SLC12A6: variants seen among roughly 807,000 people sequenced by gnomAD.
SLC12A6 encodes solute carrier family 12 member 6.
In SLC12A6, 66 loss-of-function variants were observed where a neutral mutation model predicts 135.3. The observed-to-expected ratio is 0.49, with a 90% confidence interval of 0.40 to 0.60. The LOEUF is 0.60. Among genes scored for constraint, SLC12A6 ranks in the 20% least tolerant of loss-of-function variants. The pLI, the probability that SLC12A6 is intolerant of heterozygous loss-of-function variation, is 0.00. For missense variants in SLC12A6, 1,058 were observed against 1,452.3 expected, an observed-to-expected ratio of 0.73 and a Z score of 4.41; for synonymous variants, 513 against 508.8, an observed-to-expected ratio of 1.01 and a Z score of -0.11.
chr15:34,333,611 A>G (rs1890008490), intron 2 of SLC12A6, among the ~76,000 whole-genome samples: 1 of 152,180 alleles, frequency 6.6e-6, no homozygotes, highest in Non-Finnish European at 1.5e-5. Flanking sequence ...TTCTTCATAC[A>G]TAAGCTAATA....
intron 2 of SLC12A6, among the ~76,000 whole-genome samples, chr15:34,285,269 G>A (rs1186704642): frequency 6.6e-6 from 1 of 152,184 alleles, no homozygotes; most frequent in African/African-American, 2.4e-5. Flanking sequence ...GATCAGATCA[G>A]AAATACTAGA....
rs1890968084 is a variant in SLC12A6, at chr15:34,231,801, G to C, written c.*2080C>G. The C allele has an allele frequency of 6.6e-6, 1 of 152,196 alleles. No individual in the cohort carries two copies. Among genetic ancestry groups the C allele is most frequent in the South Asian group, 2.1e-4 (1 of 4,816 alleles). 9.4% of individuals were successfully genotyped at this position (152,196 alleles called of 1,614,324 possible). ...AGACAGGGTTTCACCGTGTTAGCCA[G>C]GATGGTCTCAAATCTCCTGACCTCG... On this transcript the variant is annotated 3_prime_UTR_variant, in exon 26 of 26. Coordinates refer to ENST00000354181, the MANE Select transcript of SLC12A6 (RefSeq NM_001365088.1).
intron 2 of SLC12A6, among the ~76,000 whole-genome samples, chr15:34,317,138 A>C (rs1888706923): frequency 6.6e-6 from 1 of 152,236 alleles, no homozygotes; most frequent in Non-Finnish European, 1.5e-5. Context: ...CTTGCTTTCC[A>C]CTTTCCATCA....
Position 34,231,495 on chromosome 15 carries a change from G to T in SLC12A6, c.*2386C>A, listed in dbSNP as rs1890928967. 1 of 151,896 alleles carries T rather than the reference G, an allele frequency of 6.6e-6. No homozygotes were observed. The highest frequency in any genetic ancestry group is 2.1e-4 in the South Asian group (1 of 4,816). The allele number at this position is 151,896 out of a possible 1,614,324, so 9.4% of individuals were successfully genotyped here. On this transcript the variant is annotated 3_prime_UTR_variant, in exon 26 of 26. Coordinates refer to ENST00000354181, the MANE Select transcript of SLC12A6 (RefSeq NM_001365088.1). ...ATCTGTAGGAAGTAACAGAAAAAAAGACTTAAGATCCTATCCGCTTTGCCA... is the reference window on the plus strand; with the variant it reads ...ATCTGTAGGAAGTAACAGAAAAAAATACTTAAGATCCTATCCGCTTTGCCA...
At position 34,233,002 on chromosome 15, in the gene SLC12A6, G is replaced by C. The variant is rs1290930021; in HGVS notation, c.*879C>G. ...GGGGGAGAAGAACCTGTTGATTAAT[G>C]TGCACCATGACCTGCATTTCTTAGA... On this transcript the variant is annotated 3_prime_UTR_variant, in exon 26 of 26. Transcript: ENST00000354181. The C allele has an allele frequency of 6.6e-6, 1 of 152,090 alleles. No individual in the cohort carries two copies. Among genetic ancestry groups the C allele is most frequent in the Non-Finnish European group, 1.5e-5 (1 of 68,044 alleles). 9.4% of individuals were successfully genotyped at this position (152,090 alleles called of 1,614,324 possible). A position where few individuals can be genotyped will look rare whatever the true frequency, so the allele number is the denominator to read the frequency against.
rs1418709294 is a variant in SLC12A6 at position 34,230,381 on chromosome 15, TA to T, written c.*3499del. 6.5e-6 allele frequency: 1 copy of T among 152,910 alleles called. No individual in the cohort carries two copies. Among genetic ancestry groups the T allele is most frequent in the Admixed American group, 6.5e-5 (1 of 15,296 alleles). 9.5% of individuals were successfully genotyped at this position (152,910 alleles called of 1,614,324 possible). A position where few individuals can be genotyped will look rare whatever the true frequency, so the allele number is the denominator to read the frequency against. ...GATAAGGGATTTTTGTTAGCATGTT[TA>T]GGGGGAACGAGGATTGGTGGGATCC... is the stretch of plus-strand genomic sequence containing the variant. On this transcript the variant is annotated 3_prime_UTR_variant, in exon 26 of 26. Coordinates refer to ENST00000354181, the MANE Select transcript of SLC12A6 (RefSeq NM_001365088.1).
At chr15:34,238,441 C>G in intron 20 of SLC12A6, 40 bp from the exon 21 acceptor site, 1 of 1,507,672 alleles carries the variant, frequency 6.6e-7, no homozygotes, top group South Asian at 1.1e-5. Flanking sequence ...AATCCTTAGG[C>G]TTGCCTTGCT....
At chr15:34,286,377 T>C (rs1895080952) in intron 2 of SLC12A6, among the ~76,000 whole-genome samples, 1 of 151,740 alleles carries the variant, frequency 6.6e-6, no homozygotes, top group Non-Finnish European at 1.5e-5. Flanking sequence ...TGCCTGGCCT[T>C]ATGCTATTTT....
Position 34,254,609 on chromosome 15 carries a change from G to A in SLC12A6, c.877-20C>T, listed in dbSNP as rs1005140981. 7.0e-6 allele frequency: 11 copies of A among 1,574,500 alleles called. No individual in the cohort carries two copies. The African/African-American group carries it at 1.3e-4, about 19-fold the overall frequency. On this transcript the variant is annotated intron_variant, in intron 8 of 25. Coordinates refer to ENST00000354181, the MANE Select transcript of SLC12A6 (RefSeq NM_001365088.1). The stretch of plus-strand genomic sequence containing the variant: ...ATAGACCTGTTAGGTAAAAATAAAG[G>A]AGAAAATTAGGTTATTTCAAAATAA...
chr15:34,268,472 G>A (rs1390930895), intron 3 of SLC12A6, among the ~76,000 whole-genome samples: 1 of 152,180 alleles, frequency 6.6e-6, no homozygotes, highest in Non-Finnish European at 1.5e-5. Context: ...GAAAGGTCAA[G>A]GCTTTCCAAG....
intron 3 of SLC12A6, among the ~76,000 whole-genome samples, chr15:34,272,597 T>A (rs982215912): frequency 3.3e-5 from 5 of 152,240 alleles, no homozygotes; most frequent in African/African-American, 9.6e-5. Flanking sequence ...AAAAATTGAA[T>A]GCAACTGTAG....
intron 6 of SLC12A6, among the ~76,000 whole-genome samples, chr15:34,257,037 G>A (rs957667518): frequency 6.6e-6 from 1 of 152,140 alleles, no homozygotes; most frequent in African/African-American, 2.4e-5. Context: ...ATCAGCTGGG[G>A]ATAATATACA....
At chr15:34,336,885 G>A (rs1890235021) in intron 1 of SLC12A6, 133 bp from the exon 2 acceptor site, 5 of 606,240 alleles carry the variant, frequency 8.2e-6, no homozygotes, top group South Asian at 5.9e-5. Flanking sequence ...TCACCAATAG[G>A]TGAATATATT....
intron 3 of SLC12A6, among the ~76,000 whole-genome samples, chr15:34,268,488 A>T (rs142998789): frequency 6.6e-6 from 1 of 152,368 alleles, no homozygotes; most frequent in East Asian, 1.9e-4. Flanking sequence ...CCAAGGCAAG[A>T]AATGAAGCAT....
intron 5 of SLC12A6, 190 bp from the exon 6 acceptor site, chr15:34,257,978 T>C (rs556192436): frequency 1.4e-5 from 8 of 578,124 alleles, no homozygotes; most frequent in East Asian, 8.7e-5. Flanking sequence ...ACTTTTATTA[T>C]TCCTAAAGCT....
chr15:34,262,694 G>A (rs988558762), intron 3 of SLC12A6, among the ~76,000 whole-genome samples: 11 of 152,232 alleles, frequency 7.2e-5, no homozygotes, highest in East Asian at 5.8e-4. Context: ...TCAGGGTTGC[G>A]GACACCCGTC....
rs139351930 is a variant in SLC12A6 at position 34,329,586 on chromosome 15, G to A, written c.271+6824C>T. Among the ~76,000 whole-genome samples, 3 of 152,148 alleles carry A rather than the reference G, an allele frequency of 2.0e-5. No homozygotes were observed. In the East Asian group the frequency reaches 5.8e-4, roughly 29 times the overall value. On this transcript the variant is annotated intron_variant, in intron 2 of 25. Coordinates refer to ENST00000354181, the MANE Select transcript of SLC12A6 (RefSeq NM_001365088.1). ...TGGGCTCATGATGGAAAGACTTAGT[G>A]AGGACACAGAAGAGACCACCGAAGA...
At chr15:34,315,291 T>C (rs1555389972) in intron 2 of SLC12A6, among the ~76,000 whole-genome samples, 1 of 152,172 alleles carries the variant, frequency 6.6e-6, no homozygotes, top group Non-Finnish European at 1.5e-5. Flanking sequence ...TTTTAAGAAA[T>C]TGCCACAGTT....
chr15:34,280,813 G>A (rs449053), intron 2 of SLC12A6, among the ~76,000 whole-genome samples: 58,519 of 152,002 alleles, frequency 0.38, 14,335 homozygotes, highest in African/African-American at 0.71. Context: ...GATAAAGAAA[G>A]TGTGGTATGT....
Sources: gnomAD v4.1 joint callset for allele counts (sites outside exome capture counted in the v4.1 genomes callset) on GRCh38, gnomAD v4.1.1 for gene constraint, MANE v1.5 for transcripts, NCBI Gene and HGNC (gene_info 2026-07-23, HGNC 2026-07-21) for gene names.